PUDP: variants seen among roughly 807,000 people sequenced by gnomAD.
The protein encoded by PUDP is pseudouridine 5'-phosphatase, also known as pseudouridine-5'-phosphatase.
A neutral mutation model predicts 9.4 loss-of-function variants in PUDP; 8 were observed. The ratio of observed to expected loss-of-function variants is 0.85; its 90% CI spans 0.50 to 1.53. PUDP has a LOEUF of 1.53. Among genes scored for constraint, PUDP ranks in the 40% most tolerant of loss-of-function variants. PUDP has a pLI of 0.00. For missense variants in PUDP, 188 were observed against 189.7 expected, an observed-to-expected ratio of 0.99 and a Z score of 0.05; for synonymous variants, 99 against 80.7, an observed-to-expected ratio of 1.23 and a Z score of -1.22.
At chrX:7,083,212 C>G (rs1319264871) in intron 2 of PUDP, among the ~76,000 whole-genome samples, 1 of 111,750 alleles carries the variant, frequency 8.9e-6, no homozygotes, top group Non-Finnish European at 1.9e-5. Context: ...GCAGCAGCCC[C>G]AGGAAATGAA....
At chrX:6,829,477 A>G (rs1926473527) in intron 3 of PUDP, among the ~76,000 whole-genome samples, 2 of 111,733 alleles carry the variant, frequency 1.8e-5, no homozygotes, top group South Asian at 7.6e-4. Flanking sequence ...TGGCTGTTCC[A>G]TTTTGCATTC....
chrX:6,930,787 C>A (rs927082743), intron 3 of PUDP, among the ~76,000 whole-genome samples: 21 of 110,817 alleles, frequency 1.9e-4, no homozygotes, highest in African/African-American at 6.6e-4. Context: ...ATTGGGAGCC[C>A]TCTCCAGTGA....
chrX:6,896,303 G>A (rs1265026797), intron 3 of PUDP, among the ~76,000 whole-genome samples: 3 of 111,720 alleles, frequency 2.7e-5, no homozygotes, highest in East Asian at 2.8e-4. Context: ...ACCCTTGAGC[G>A]CATCTTCAGT....
intron 3 of PUDP, among the ~76,000 whole-genome samples, chrX:6,890,809 G>A (rs1927501171): frequency 9.2e-6 from 1 of 108,351 alleles, no homozygotes; most frequent in East Asian, 2.9e-4. Flanking sequence ...TCTTTAAATG[G>A]AAATACAGTC....
chrX:6,834,625 T>C (rs1926554277), intron 3 of PUDP, among the ~76,000 whole-genome samples: 1 of 111,796 alleles, frequency 8.9e-6, no homozygotes, highest in African/African-American at 3.3e-5. Flanking sequence ...GACCTTCAGA[T>C]AGGAAAGTGT....
rs1176457184 is a variant in PUDP, at chrX:7,105,877, G to A, written c.62-39C>T. The A allele has an allele frequency of 1.3e-5, 12 of 930,413 alleles. No individual in the cohort carries two copies. The South Asian group carries it at 2.8e-4, about 22-fold the overall frequency. The allele number at this position is 930,413 out of a possible 1,213,427, so 76.7% of individuals were successfully genotyped here. On this transcript the variant is annotated intron_variant, in intron 1 of 3. Transcript: ENST00000381077. ...AAAAGAGATTTTTAGAGTGCATACT[G>A]TATGAACAGTAAGTTTGTATCAGGT...
chrX:6,911,323 A>G (rs1184311735), intron 3 of PUDP, among the ~76,000 whole-genome samples: 1 of 109,007 alleles, frequency 9.2e-6, no homozygotes, highest in African/African-American at 3.4e-5. Context: ...GCCTCCCAGT[A>G]GCTGGGATTA....
intron 3 of PUDP, among the ~76,000 whole-genome samples, chrX:6,866,295 G>A (rs1927084644): frequency 9.4e-6 from 1 of 106,171 alleles, no homozygotes; most frequent in East Asian, 2.9e-4. Flanking sequence ...ACCACAGAAT[G>A]CAAGATAGTA....
chrX:7,031,956 T>G (rs1929798037), intron 1 of PUDP, among the ~76,000 whole-genome samples: 1 of 112,285 alleles, frequency 8.9e-6, no homozygotes. Context: ...TCAAGATAGA[T>G]GAAAAGGCAA....
intron 3 of PUDP, among the ~76,000 whole-genome samples, chrX:6,794,029 C>G (rs937871619): frequency 8.9e-6 from 1 of 111,833 alleles, no homozygotes; most frequent in Non-Finnish European, 1.9e-5. Context: ...CTATGGAATA[C>G]TGGAGTTATT....
intron 3 of PUDP, among the ~76,000 whole-genome samples, chrX:6,751,261 C>T (rs747276667): frequency 2.9e-4 from 33 of 112,129 alleles, no homozygotes; most frequent in Admixed American, 9.4e-4. Flanking sequence ...AAGAATACTA[C>T]GTTCTTTATA....
intron 3 of PUDP, among the ~76,000 whole-genome samples, chrX:6,735,323 G>C (rs1053148276): frequency 9.0e-6 from 1 of 111,212 alleles, no homozygotes; most frequent in Non-Finnish European, 1.9e-5. Context: ...TGTCCACACT[G>C]CCCTCTTCTC....
At chrX:6,981,056 G>A (rs1217443834) in intron 1 of PUDP, among the ~76,000 whole-genome samples, 1 of 111,809 alleles carries the variant, frequency 8.9e-6, no homozygotes, top group Non-Finnish European at 1.9e-5. Context: ...GCATGAGACC[G>A]ACAAAAGCTC....
At chrX:7,076,875 T>G (rs937830560) in intron 3 of PUDP, among the ~76,000 whole-genome samples, 6 of 112,208 alleles carry the variant, frequency 5.3e-5, no homozygotes, top group African/African-American at 9.7e-5. Flanking sequence ...AGCCTGCACC[T>G]AGACAATAAG....
chrX:6,781,795 G>C (rs1925566441), intron 3 of PUDP, among the ~76,000 whole-genome samples: 1 of 112,210 alleles, frequency 8.9e-6, no homozygotes, highest in African/African-American at 3.2e-5. Flanking sequence ...GATTATTGGA[G>C]GATGGATTCA....
intron 3 of PUDP, among the ~76,000 whole-genome samples, chrX:6,867,643 T>C (rs947969922): frequency 2.7e-5 from 3 of 109,801 alleles, no homozygotes; most frequent in African/African-American, 1.0e-4. Flanking sequence ...TGTTGATGGA[T>C]ACTGATGATG....
In PUDP at chrX:6,750,170, T is replaced by C. The variant is rs776420154; in HGVS notation, c.*248-43704A>G. Among the ~76,000 whole-genome samples, 4 of 111,757 alleles carry C rather than the reference T, an allele frequency of 3.6e-5. No individual in the cohort carries two copies. The East Asian group carries it at 1.1e-3, about 31-fold the overall frequency. On this transcript the variant is annotated intron_variant and NMD_transcript_variant, in intron 3 of 3. Coordinates refer to the PUDP transcript ENST00000655425. ...GGTGTTGTTTCAGAGTGTGGAGCCG[T>C]TCATGTTCAAAAGGCTGGATCTGCA...
At chrX:6,782,551 CAG>C (rs1925581758) in intron 3 of PUDP, among the ~76,000 whole-genome samples, 1 of 111,255 alleles carries the variant, frequency 9.0e-6, no homozygotes, top group African/African-American at 3.3e-5. Context: ...GGCTGGGCTA[CAG>C]AGCAAGACTC....
At chrX:7,061,819 G>A (rs1224693260) in intron 3 of PUDP, among the ~76,000 whole-genome samples, 1 of 111,535 alleles carries the variant, frequency 9.0e-6, no homozygotes, top group East Asian at 2.8e-4. Flanking sequence ...ATGAATCAAT[G>A]ATATCCAGTG....
Sources: gnomAD v4.1 joint callset for allele counts (sites outside exome capture counted in the v4.1 genomes callset) on GRCh38, gnomAD v4.1.1 for gene constraint, MANE v1.5 for transcripts, NCBI Gene and HGNC (gene_info 2026-07-23, HGNC 2026-07-21) for gene names.